Variants in SCOC observed in about 807,000 individuals in gnomAD.
SCOC encodes the protein short coiled coil protein.
A neutral mutation model predicts 9.9 loss-of-function variants in SCOC; 7 were observed. The ratio of observed to expected loss-of-function variants is 0.71; its 90% CI spans 0.40 to 1.33. The LOEUF (loss-of-function observed/expected upper bound fraction) is 1.33, where lower values mean the gene tolerates loss of function less well. Among genes scored for constraint, SCOC ranks in the 40% most tolerant of loss-of-function variants. The pLI, the probability that SCOC is intolerant of heterozygous loss-of-function variation, is 0.01. For missense variants in SCOC, 66 were observed against 89.7 expected (o/e 0.74, Z 1.07); for synonymous variants, 19 against 28.2 (o/e 0.67, Z 1.03).
chr4:140,362,303 T>TCTTCTTCTTC (rs1253683051), intron 2 of SCOC, among the ~76,000 whole-genome samples: 675 of 44,256 alleles, frequency 0.015, 65 homozygotes, highest in African/African-American at 0.044. Context: ...CTTCTTCTTT[T>TCTTCTTCTTC]TTTTTTTTTT....
upstream of SCOC, chr4:140,373,453 G>A (rs775975210): frequency 1.1e-4 from 176 of 1,544,836 alleles, no homozygotes; most frequent in Non-Finnish European, 1.5e-4. Context: ...CCTCAATCCT[G>A]ATTGGATGTC....
intron 2 of SCOC, among the ~76,000 whole-genome samples, chr4:140,355,230 T>TAG (rs1727172492): frequency 7.0e-6 from 1 of 143,170 alleles, no homozygotes; most frequent in African/African-American, 2.7e-5. Context: ...TATATATATA[T>TAG]ATATATATAT....
At chr4:140,336,927 C>A (rs1337562036) in intron 1 of SCOC, among the ~76,000 whole-genome samples, 2 of 152,130 alleles carry the variant, frequency 1.3e-5, no homozygotes, top group African/African-American at 2.4e-5. Flanking sequence ...TAAATTAAAG[C>A]CATCCTAGTG....
At chr4:140,265,016 G>A (rs537975425) in intron 1 of SCOC, among the ~76,000 whole-genome samples, 4 of 152,210 alleles carry the variant, frequency 2.6e-5, no homozygotes, top group South Asian at 2.1e-4. Flanking sequence ...ATGCCTGGGC[G>A]TGAATATATA....
chr4:140,371,411 A>C (rs1371739633), upstream of SCOC, among the ~76,000 whole-genome samples: 1 of 152,162 alleles, frequency 6.6e-6, no homozygotes, highest in Non-Finnish European at 1.5e-5. Flanking sequence ...ATTTTGGATC[A>C]TTATTTCATT....
intron 2 of SCOC, among the ~76,000 whole-genome samples, chr4:140,356,249 T>TA (rs1727224380): frequency 6.6e-6 from 1 of 152,194 alleles, no homozygotes. Flanking sequence ...TTAAAGAAGA[T>TA]TCTGTTTTGT....
intron 1 of SCOC, among the ~76,000 whole-genome samples, chr4:140,325,662 T>C (rs1281849676): frequency 2.0e-5 from 3 of 152,240 alleles, no homozygotes; most frequent in Middle Eastern, 3.4e-3. Flanking sequence ...TCAGAATTTC[T>C]GGAATAGAGA....
At chr4:140,325,913 A>C (rs1021447191) in intron 1 of SCOC, among the ~76,000 whole-genome samples, 2 of 152,238 alleles carry the variant, frequency 1.3e-5, no homozygotes, top group African/African-American at 4.8e-5. Flanking sequence ...CAGTCATTCC[A>C]AACGAGAAAC....
At position 140,263,295 on chromosome 4, in the gene SCOC, G is replaced by T. The variant is rs72937758; in HGVS notation, c.-19+5885G>T. Among the ~76,000 whole-genome samples the T allele has an allele frequency of 5.4e-3, 818 of 152,302 alleles. 3 individuals carry two copies. Among genetic ancestry groups the T allele is most frequent in the African/African-American group, 0.019 (770 of 41,576 alleles). ...GAAGCATGAGACCTTGTCTTCCACAGAGCAATTTAGGACCATCAGTGTTAC... is the reference window on the plus strand; with the variant it reads ...GAAGCATGAGACCTTGTCTTCCACATAGCAATTTAGGACCATCAGTGTTAC... On this transcript the variant is annotated intron_variant, in intron 1 of 4. Transcript: ENST00000394205.
At chr4:140,339,601 C>T (rs1479627784), upstream of SCOC, among the ~76,000 whole-genome samples, 1 of 152,060 alleles carries the variant, frequency 6.6e-6, no homozygotes, top group Non-Finnish European at 1.5e-5. Flanking sequence ...AACAAATTTA[C>T]AAGAAAAAAA....
intron 1 of SCOC, among the ~76,000 whole-genome samples, chr4:140,307,566 T>C (rs972991829): frequency 3.3e-5 from 5 of 152,332 alleles, no homozygotes; most frequent in Non-Finnish European, 4.4e-5. Context: ...AGCTTCCCTT[T>C]CCTTACAAAG....
At chr4:140,265,082 G>T (rs1730706123) in intron 1 of SCOC, among the ~76,000 whole-genome samples, 1 of 152,086 alleles carries the variant, frequency 6.6e-6, no homozygotes, top group Non-Finnish European at 1.5e-5. Flanking sequence ...TTTTATATCA[G>T]TTAGGGCATT....
chr4:140,283,351 G>A (rs1037688076), intron 1 of SCOC, among the ~76,000 whole-genome samples: 2 of 152,150 alleles, frequency 1.3e-5, no homozygotes, highest in Admixed American at 1.3e-4. Flanking sequence ...GGGTATGACT[G>A]GTGTTACTGG....
In SCOC at chr4:140,355,211, T is replaced by TTATATATA. The variant is rs34322076; in HGVS notation, c.70+11534_70+11541dup. Among the ~76,000 whole-genome samples the TTATATATA allele has an allele frequency of 3.4e-3, 208 of 61,290 alleles. 1 individual carries two copies. Among genetic ancestry groups the TTATATATA allele is most frequent in the Non-Finnish European group, 6.1e-3 (148 of 24,338 alleles). The allele number at this position is 61,290 out of a possible 152,430, so 40.2% of individuals were successfully genotyped here. A position where few individuals can be genotyped will look rare whatever the true frequency, so the allele number is the denominator to read the frequency against. ...ACTTCTCAGCCTATACATTATATTTTTATATATATATATATATATATATAT... is the reference window on the plus strand; with the variant it reads ...ACTTCTCAGCCTATACATTATATTTTTATATATATATATATATATATATATATATATAT... On this transcript the variant is annotated intron_variant, in intron 2 of 4. Coordinates refer to the SCOC transcript ENST00000338517.
chr4:140,317,945 G>C (rs1317326857), intron 1 of SCOC, among the ~76,000 whole-genome samples: 1 of 143,256 alleles, frequency 7.0e-6, no homozygotes, highest in East Asian at 2.1e-4. Context: ...GAGAATATGC[G>C]GTGTTTGGTT....
chr4:140,344,424 A>G (rs1277959965), intron 2 of SCOC, among the ~76,000 whole-genome samples: 1 of 152,178 alleles, frequency 6.6e-6, no homozygotes, highest in Admixed American at 6.5e-5. Flanking sequence ...AATGGGGGTT[A>G]CTAATTTTGA....
chr4:140,357,539 G>A (rs1727283496), intron 2 of SCOC, among the ~76,000 whole-genome samples: 1 of 152,222 alleles, frequency 6.6e-6, no homozygotes, highest in African/African-American at 2.4e-5. Flanking sequence ...GCCACTGGAT[G>A]GAAGTGGGTG....
At chr4:140,325,097 A>G (rs1158914436) in intron 1 of SCOC, among the ~76,000 whole-genome samples, 2 of 152,134 alleles carry the variant, frequency 1.3e-5, no homozygotes, top group African/African-American at 2.4e-5. Context: ...AGTTTTTCAG[A>G]AAATGATGCC....
At chr4:140,264,892 C>T (rs1253251240) in intron 1 of SCOC, among the ~76,000 whole-genome samples, 1 of 152,188 alleles carries the variant, frequency 6.6e-6, no homozygotes, top group Non-Finnish European at 1.5e-5. Context: ...CAGAAAGTCA[C>T]CTCACTGATG....
Sources: allele counts gnomAD v4.1 joint callset (sites outside exome capture counted in the v4.1 genomes callset), GRCh38; gene constraint gnomAD v4.1.1; transcripts MANE v1.5; gene names NCBI Gene and HGNC (gene_info 2026-07-23, HGNC 2026-07-21).